Variants in PTPRT observed in about 807,000 individuals in gnomAD.
The protein encoded by PTPRT is receptor-type tyrosine-protein phosphatase T.
Under a neutral mutation model 176.8 loss-of-function variants are expected in PTPRT, and 56 were observed. That is an observed-to-expected ratio of 0.32 (90% CI 0.26 to 0.40). PTPRT has a LOEUF of 0.40. Ranked by LOEUF, PTPRT falls within the 10% of genes least tolerant of loss-of-function variation. The pLI is 1.00. For missense variants in PTPRT, 1,540 were observed against 1,908.2 expected, an observed-to-expected ratio of 0.81 and a Z score of 3.60; for synonymous variants, 783 against 739.0, an observed-to-expected ratio of 1.06 and a Z score of -0.96.
chr20:42,627,886 G>A (rs80181561), intron 7 of PTPRT, among the ~76,000 whole-genome samples: 2,700 of 152,234 alleles, frequency 0.018, 91 homozygotes, highest in African/African-American at 0.061. Context: ...GATCAGTAAC[G>A]AATGGGGAAT....
At chr20:43,000,849 G>A (rs1391334729) in intron 1 of PTPRT, among the ~76,000 whole-genome samples, 1 of 150,962 alleles carries the variant, frequency 6.6e-6, no homozygotes, top group African/African-American at 2.4e-5. Context: ...GTGACTATTA[G>A]CAGGACTCAC....
intron 3 of PTPRT, among the ~76,000 whole-genome samples, chr20:42,780,825 C>A (rs2077203734): frequency 6.6e-6 from 1 of 152,140 alleles, no homozygotes; most frequent in African/African-American, 2.4e-5. Context: ...TGTTGGTATC[C>A]AGGAGTAGAA....
chr20:43,109,078 T>C (rs950070764), intron 1 of PTPRT, among the ~76,000 whole-genome samples: 1 of 151,750 alleles, frequency 6.6e-6, no homozygotes. Context: ...CATTTTCTAT[T>C]TTTTTTTCCC....
chr20:43,095,450 C>T (rs2012094255), intron 1 of PTPRT, among the ~76,000 whole-genome samples: 1 of 152,056 alleles, frequency 6.6e-6, no homozygotes, highest in Non-Finnish European at 1.5e-5. Context: ...GGCCTAGGGC[C>T]CACAACATTT....
intron 11 of PTPRT, among the ~76,000 whole-genome samples, chr20:42,325,467 C>G (rs958190230): frequency 7.9e-5 from 12 of 152,116 alleles, no homozygotes; most frequent in Non-Finnish European, 4.4e-5. Flanking sequence ...TAAGTTTTCC[C>G]TCAATCATGG....
rs773683413 is a variant in PTPRT at position 42,642,317 on chromosome 20, A to G, written c.1153+35549T>C. Reference sequence around the variant, plus strand: ...ATATGAATGACTTCCAACTATTTCCAAGTTATTTTCCAACTGACTGAGAAA... The same window carrying G: ...ATATGAATGACTTCCAACTATTTCCGAGTTATTTTCCAACTGACTGAGAAA... On this transcript the variant is annotated intron_variant, in intron 7 of 30. Transcript: ENST00000373187. Among the ~76,000 whole-genome samples the G allele has an allele frequency of 2.6e-5, 4 of 152,132 alleles. No individual in the cohort carries two copies. The South Asian group carries it at 8.3e-4, about 32-fold the overall frequency.
At chr20:42,702,151 G>A (rs1219898134) in intron 6 of PTPRT, among the ~76,000 whole-genome samples, 12 of 152,106 alleles carry the variant, frequency 7.9e-5, no homozygotes, top group Admixed American at 5.9e-4. Flanking sequence ...CCACCCTCAT[G>A]AGTATCCTCC....
intron 12 of PTPRT, among the ~76,000 whole-genome samples, chr20:42,290,550 C>T (rs2057301495): frequency 6.6e-6 from 1 of 152,130 alleles, no homozygotes; most frequent in Non-Finnish European, 1.5e-5. Flanking sequence ...GTCCTCAATG[C>T]TGCGTCTGGT....
At chr20:42,789,043 T>A (rs939410664) in intron 3 of PTPRT, among the ~76,000 whole-genome samples, 1 of 152,272 alleles carries the variant, frequency 6.6e-6, no homozygotes, top group Non-Finnish European at 1.5e-5. Flanking sequence ...CACTTAAGAA[T>A]GTTTGGAACA....
At position 42,230,945 on chromosome 20, in the gene PTPRT, CT is replaced by C. The variant is rs2056121645; in HGVS notation, c.2342+5283del. 1.3e-5 allele frequency among the ~76,000 whole-genome samples: 2 copies of C among 152,214 alleles called. 1 individual carries two copies. Among genetic ancestry groups the C allele is most frequent in the African/African-American group, 4.8e-5 (2 of 41,448 alleles). On this transcript the variant is annotated intron_variant, in intron 15 of 30. Transcript: ENST00000373187. ...TTATTTATCCTGGTCATTAACACCC[CT>C]TTCATAACCTCTTGCTCTAACCCTT...
At chr20:42,113,153 G>A (rs910482259) in intron 22 of PTPRT, among the ~76,000 whole-genome samples, 1 of 152,220 alleles carries the variant, frequency 6.6e-6, no homozygotes, top group Non-Finnish European at 1.5e-5. Context: ...GCTAAGCCCA[G>A]TTAATCCTCA....
Position 42,075,369 on chromosome 20 carries a change from T to C in PTPRT, c.*5510A>G, listed in dbSNP as rs1400071082. The C allele has an allele frequency of 1.7e-5, 4 of 228,766 alleles. No homozygotes were observed. The highest frequency in any genetic ancestry group is 3.5e-5 in the Non-Finnish European group (4 of 115,388). 14.2% of individuals were successfully genotyped at this position (228,766 alleles called of 1,614,324 possible). On this transcript the variant is annotated 3_prime_UTR_variant, in exon 31 of 31. Transcript: ENST00000373187. Reference sequence around the variant, plus strand: ...CCTCCAGTTGGGTTGACCATTTTTTTCCCTGGGGATCCTGGCCCAGCACAA... The same window carrying C: ...CCTCCAGTTGGGTTGACCATTTTTTCCCCTGGGGATCCTGGCCCAGCACAA...
At chr20:42,511,487 T>C (rs577984568) in intron 7 of PTPRT, among the ~76,000 whole-genome samples, 58 of 151,950 alleles carry the variant, frequency 3.8e-4, no homozygotes, top group Non-Finnish European at 6.8e-4. Flanking sequence ...ATGCACTGAA[T>C]ATAGTACTCA....
intron 7 of PTPRT, among the ~76,000 whole-genome samples, chr20:42,558,105 C>T (rs1370772272): frequency 1.3e-5 from 2 of 151,972 alleles, no homozygotes; most frequent in Non-Finnish European, 1.5e-5. Context: ...AACCTAGTAC[C>T]CTTTAGATAT....
intron 6 of PTPRT, among the ~76,000 whole-genome samples, chr20:42,709,668 T>C (rs1053119153): frequency 6.6e-6 from 1 of 152,188 alleles, no homozygotes; most frequent in East Asian, 1.9e-4. Flanking sequence ...AGTGTTGCTA[T>C]AAAAGTACCT....
chr20:42,232,270 G>A (rs998217895), intron 15 of PTPRT, among the ~76,000 whole-genome samples: 2 of 152,142 alleles, frequency 1.3e-5, no homozygotes, highest in African/African-American at 4.8e-5. Flanking sequence ...TCATTAAAAG[G>A]ACCAGGTGGC....
At chr20:42,781,674 C>T (rs530841416) in intron 3 of PTPRT, among the ~76,000 whole-genome samples, 2 of 152,244 alleles carry the variant, frequency 1.3e-5, no homozygotes, top group South Asian at 4.2e-4. Context: ...AAATTCTCAG[C>T]AGTTTTATCT....
chr20:43,123,831 G>A (rs921092018), intron 1 of PTPRT, among the ~76,000 whole-genome samples: 4 of 152,142 alleles, frequency 2.6e-5, no homozygotes, highest in Admixed American at 2.6e-4. Flanking sequence ...ATATCTTAAG[G>A]CAAGTCACTT....
chr20:43,171,699 C>T (rs1325000119), intron 1 of PTPRT, among the ~76,000 whole-genome samples: 1 of 152,144 alleles, frequency 6.6e-6, no homozygotes, highest in African/African-American at 2.4e-5. Flanking sequence ...TTTCTGGGTC[C>T]CACGCCAGAG....
Sources: allele counts gnomAD v4.1 joint callset (sites outside exome capture counted in the v4.1 genomes callset), GRCh38; gene constraint gnomAD v4.1.1; transcripts MANE v1.5; gene names NCBI Gene and HGNC (gene_info 2026-07-23, HGNC 2026-07-21).